The following CLRN2 variants were observed in gnomAD, a reference collection of about 807,000 sequenced individuals.
The protein encoded by CLRN2 is clarin 2, also known as clarin-2.
A neutral mutation model predicts 20.1 loss-of-function variants in CLRN2; 17 were observed. That is an observed-to-expected ratio of 0.85 (90% CI 0.58 to 1.27). CLRN2 has a LOEUF of 1.27. CLRN2 is among the 50% of genes most tolerant of loss of function. CLRN2 has a pLI of 0.00. For missense variants in CLRN2, 288 were observed against 299.5 expected, an observed-to-expected ratio of 0.96 and a Z score of 0.28; for synonymous variants, 140 against 126.9, an observed-to-expected ratio of 1.10 and a Z score of -0.70.
rs1316020288 is a variant in CLRN2, at chr4:17,515,219, A to C, written c.-48A>C. On this transcript the variant is annotated 5_prime_UTR_variant, in exon 1 of 3. Coordinates refer to ENST00000511148, the MANE Select transcript of CLRN2 (RefSeq NM_001079827.2). ...GCCGAGTATCTGAAAGATGTCAATG[A>C]CCCTCGCTGCTGCTCGGAGACCTTG... 1.9e-6 allele frequency: 3 copies of C among 1,597,494 alleles called. No homozygotes were observed. The African/African-American group carries it at 4.0e-5, about 21-fold the overall frequency.
chr4:17,526,996 G>T lies in CLRN2; in HGVS notation c.613G>T (p.Val205Leu), dbSNP rs765699475. ...TTCGGCCCATGCTGCAAACTTGGTC[G>T]TGGTGGCGATCAGTCAAATTCCCCT... The part of the protein sequence containing the change: ...SASAHAANLV[V>L]VAISQIPLPE... The change falls in exon 3 of 3, where the codon GTG becomes TTG. Residue 205 changes from valine to leucine, a missense_variant. Coordinates refer to ENST00000511148, the MANE Select transcript of CLRN2 (RefSeq NM_001079827.2). 9 of 1,613,910 alleles carry T rather than the reference G, an allele frequency of 5.6e-6. No homozygotes were observed. The highest frequency in any genetic ancestry group is 2.7e-5 in the African/African-American group (2 of 74,930).
rs746458623 is a variant in CLRN2, at chr4:17,526,804, T to C, written c.434-13T>C. The C allele has an allele frequency of 2.5e-5, 41 of 1,613,220 alleles. 1 individual carries two copies. Among genetic ancestry groups the C allele is most frequent in the Non-Finnish European group, 3.3e-5 (39 of 1,179,352 alleles). Reference sequence around the variant, plus strand: ...AAGGAGCCGTGAATGAGGGTGACCTTTTTGAGTTTCAGGCGGCGTCGTGGC... The same window carrying C: ...AAGGAGCCGTGAATGAGGGTGACCTCTTTGAGTTTCAGGCGGCGTCGTGGC... On this transcript the variant is annotated splice_polypyrimidine_tract_variant and intron_variant, in intron 2 of 2. Coordinates refer to ENST00000511148, the MANE Select transcript of CLRN2 (RefSeq NM_001079827.2).
chr4:17,515,458 G>A lies in CLRN2; in HGVS notation c.192G>A (p.Gly64=). 4 of 1,613,966 alleles carry A rather than the reference G, an allele frequency of 2.5e-6. No homozygotes were observed. The highest frequency in any genetic ancestry group is 3.4e-6 in the Non-Finnish European group (4 of 1,179,868). The change falls in exon 1 of 3, where the codon GGG becomes GGA. Residue 64 remains glycine, a synonymous_variant. Transcript: ENST00000511148. ...AGTTCATTGGGGACATTTACTACGG[G>A]CTCTTCCGAGGGTGTAAAGTGCGGC... is the stretch of plus-strand genomic sequence containing the variant. The part of the protein sequence containing the change: ...LVKFIGDIYY[G]LFRGCKVRQC...
At chr4:17,523,685 A>T (rs1241418029) in intron 2 of CLRN2, among the ~76,000 whole-genome samples, 5 of 150,926 alleles carry the variant, frequency 3.3e-5, no homozygotes, top group Non-Finnish European at 5.9e-5. Context: ...GGCTGGGAGG[A>T]ACTCCACAAA....
chr4:17,515,224 C>G lies in CLRN2; in HGVS notation c.-43C>G, dbSNP rs371474245. On this transcript the variant is annotated 5_prime_UTR_variant, in exon 1 of 3. Transcript: ENST00000511148. ...GTATCTGAAAGATGTCAATGACCCTCGCTGCTGCTCGGAGACCTTGGGGAT... is the reference window on the plus strand; with the variant it reads ...GTATCTGAAAGATGTCAATGACCCTGGCTGCTGCTCGGAGACCTTGGGGAT... 6.2e-7 allele frequency: 1 copy of G among 1,601,648 alleles called. No individual in the cohort carries two copies. Among genetic ancestry groups the G allele is most frequent in the East Asian group, 2.2e-5 (1 of 44,744 alleles).
intron 1 of CLRN2, among the ~76,000 whole-genome samples, 196 bp downstream of exon 1, chr4:17,515,715 T>C (rs910031859): frequency 1.3e-5 from 2 of 152,218 alleles, no homozygotes; most frequent in Non-Finnish European, 2.9e-5. Flanking sequence ...TCTTTTTCTG[T>C]AGAGATGTAT....
At chr4:17,516,845 G>GA (rs1711687892) in intron 1 of CLRN2, among the ~76,000 whole-genome samples, 1 of 152,194 alleles carries the variant, frequency 6.6e-6, no homozygotes. Context: ...TAGGGGTCAA[G>GA]AAAACTTCCC....
chr4:17,520,716 G>A (rs1412037580), intron 1 of CLRN2, among the ~76,000 whole-genome samples: 1 of 152,122 alleles, frequency 6.6e-6, no homozygotes, highest in Non-Finnish European at 1.5e-5. Flanking sequence ...GTTAAGAAAG[G>A]GGATAATGAA....
At chr4:17,523,935 A>G (rs4698604) in intron 2 of CLRN2, among the ~76,000 whole-genome samples, 10,455 of 151,260 alleles carry the variant, frequency 0.069, 759 homozygotes, top group East Asian at 0.36. Flanking sequence ...CAACTTACTG[A>G]GCAACCACTA....
intron 2 of CLRN2, among the ~76,000 whole-genome samples, chr4:17,523,315 A>G (rs966376964): frequency 6.6e-6 from 1 of 151,684 alleles, no homozygotes; most frequent in African/African-American, 2.4e-5. Context: ...CCTGGGCTCA[A>G]GTGATCTTCC....
chr4:17,526,858 G>A lies in CLRN2; in HGVS notation c.475G>A (p.Val159Met). The A allele has an allele frequency of 1.2e-6, 2 of 1,614,028 alleles. No individual in the cohort carries two copies. Among genetic ancestry groups the A allele is most frequent in the Non-Finnish European group, 1.7e-6 (2 of 1,179,882 alleles). ...AGCCATCGCCAGCTTCGTGGCTGCG[G>A]TGAAATTTCACGACCTGACGGAACG... ...ALAIASFVAAVKFHDLTERIA... is the reference protein window; with the variant it reads ...ALAIASFVAAMKFHDLTERIA... Residue 159 changes from valine (V) to methionine (M), a missense_variant, in exon 3 of 3, where the codon GTG (valine) becomes ATG (methionine). Coordinates refer to ENST00000511148, the MANE Select transcript of CLRN2 (RefSeq NM_001079827.2).
chr4:17,526,947 G>A lies in CLRN2; in HGVS notation c.564G>A (p.Ser188=), dbSNP rs2597792. Residue 188 remains serine, a synonymous_variant, in exon 3 of 3, where the codon TCG becomes TCA. Transcript: ENST00000511148. The part of the protein sequence containing the change: ...FVVVEEQYEE[S]FWICVASASA... ...TGGTGGAAGAACAGTATGAAGAGTC[G>A]TTTTGGATCTGCGTGGCCAGCGCTT... is the stretch of plus-strand genomic sequence containing the variant. 2 of 1,613,858 alleles carry A rather than the reference G, an allele frequency of 1.2e-6. No homozygotes were observed. The highest frequency in any genetic ancestry group is 1.7e-6 in the Non-Finnish European group (2 of 1,179,900).
intron 2 of CLRN2, 63 bp downstream of exon 2, chr4:17,523,106 G>A (rs990555992): frequency 3.7e-5 from 53 of 1,435,450 alleles, no homozygotes; most frequent in Non-Finnish European, 5.0e-5. Flanking sequence ...GCTCCAAGTA[G>A]TTGGGCAGAA....
chr4:17,526,042 A>C (rs938260530), intron 2 of CLRN2, among the ~76,000 whole-genome samples: 9 of 152,190 alleles, frequency 5.9e-5, no homozygotes, highest in African/African-American at 2.2e-4. Context: ...ATAGGGAAGT[A>C]GTTTGGAATT....
intron 1 of CLRN2, 73 bp from the exon 2 acceptor site, chr4:17,522,791 T>C: frequency 6.6e-7 from 1 of 1,524,414 alleles, no homozygotes; most frequent in Middle Eastern, 1.8e-4. Context: ...GCCTTCGTGG[T>C]AAGCAAGCTT....
chr4:17,523,500 A>C (rs1161817785), intron 2 of CLRN2, among the ~76,000 whole-genome samples: 1 of 152,000 alleles, frequency 6.6e-6, no homozygotes, highest in Non-Finnish European at 1.5e-5. Context: ...TTCCTCTTTA[A>C]GTTGCAGAGT....
chr4:17,520,732 T>G (rs1466667657), intron 1 of CLRN2, among the ~76,000 whole-genome samples: 1 of 152,174 alleles, frequency 6.6e-6, no homozygotes, highest in Non-Finnish European at 1.5e-5. Context: ...ATGAAACAAT[T>G]TAAAAATCAG....
Position 17,515,217 on chromosome 4 carries a change from T to A in CLRN2, c.-50T>A. The A allele has an allele frequency of 6.3e-7, 1 of 1,596,016 alleles. No homozygotes were observed. The highest frequency in any genetic ancestry group is 8.5e-7 in the Non-Finnish European group (1 of 1,169,886). On this transcript the variant is annotated 5_prime_UTR_variant, in exon 1 of 3. It removes an upstream start codon present in the reference 5' UTR. Coordinates refer to ENST00000511148, the MANE Select transcript of CLRN2 (RefSeq NM_001079827.2). ...TTGCCGAGTATCTGAAAGATGTCAA[T>A]GACCCTCGCTGCTGCTCGGAGACCT...
chr4:17,521,835 C>A (rs1207323876), intron 1 of CLRN2, among the ~76,000 whole-genome samples: 1 of 152,150 alleles, frequency 6.6e-6, no homozygotes, highest in African/African-American at 2.4e-5. Flanking sequence ...TACAGCTGAG[C>A]CCTGATTGGC....
Sources: allele counts gnomAD v4.1 joint callset (sites outside exome capture counted in the v4.1 genomes callset), GRCh38; gene constraint gnomAD v4.1.1; transcripts MANE v1.5; gene names NCBI Gene and HGNC (gene_info 2026-07-23, HGNC 2026-07-21).